The following LRRC37A2 variants were observed in gnomAD, a reference collection of about 807,000 sequenced individuals.
The protein encoded by LRRC37A2 is leucine-rich repeat-containing protein 37A2.
Under a neutral mutation model 68.8 loss-of-function variants are expected in LRRC37A2, and 9 were observed. That is an observed-to-expected ratio of 0.13 (90% CI 0.08 to 0.23). The LOEUF (loss-of-function observed/expected upper bound fraction) is 0.23. Among genes scored for constraint, LRRC37A2 ranks in the 10% least tolerant of loss-of-function variants. The pLI is 1.00. For missense variants in LRRC37A2, 168 were observed against 950.4 expected (o/e 0.18, Z 10.82); for synonymous variants, 63 against 367.6 (o/e 0.17, Z 9.48).
chr17:46,839,522 T>TTATA, the LRRC37A2 span, among the ~76,000 whole-genome samples: 4 of 151,486 alleles, frequency 2.6e-5, no homozygotes, highest in African/African-American at 7.3e-5. Flanking sequence ...TGTAAATTCT[T>TTATA]TATATATATA....
At chr17:46,814,320 A>G in the LRRC37A2 span, among the ~76,000 whole-genome samples, 1 of 152,216 alleles carries the variant, frequency 6.6e-6, no homozygotes, top group African/African-American at 2.4e-5. Flanking sequence ...GGCTCTTGGT[A>G]TTATTATAAC....
At chr17:46,472,940 A>G in the LRRC37A2 span, among the ~76,000 whole-genome samples, 1 of 69,312 alleles carries the variant, frequency 1.4e-5, no homozygotes, top group African/African-American at 4.5e-5. Context: ...ATATATATAT[A>G]TATTGTATAG....
chr17:46,895,349 C>T, the LRRC37A2 span, among the ~76,000 whole-genome samples: 1 of 152,256 alleles, frequency 6.6e-6, no homozygotes, highest in Non-Finnish European at 1.5e-5. Flanking sequence ...CTTAACCATG[C>T]AGGCTCAGGA....
the LRRC37A2 span, among the ~76,000 whole-genome samples, chr17:46,488,642 T>C: frequency 7.9e-6 from 1 of 125,890 alleles, no homozygotes; most frequent in Non-Finnish European, 1.7e-5. Context: ...GAGGCAGAGG[T>C]TGCAGTGAGC....
chr17:47,019,551 C>G, the LRRC37A2 span: 32 of 1,490,870 alleles, frequency 2.1e-5, 4 homozygotes, highest in African/African-American at 3.5e-4. Flanking sequence ...GCATCGAAAA[C>G]TGACTGAAGT....
the LRRC37A2 span, among the ~76,000 whole-genome samples, chr17:47,025,556 A>G: frequency 6.6e-6 from 1 of 152,134 alleles, no homozygotes; most frequent in Non-Finnish European, 1.5e-5. Flanking sequence ...GAAGCACATC[A>G]GAAATGCCCC....
chr17:46,907,786 T>A, the LRRC37A2 span, among the ~76,000 whole-genome samples: 2 of 147,560 alleles, frequency 1.4e-5, no homozygotes, highest in Non-Finnish European at 3.0e-5. Flanking sequence ...AGCCCAGGAG[T>A]TTGAGGTTGC....
the LRRC37A2 span, chr17:46,978,626 G>A: frequency 1.3e-6 from 2 of 1,571,966 alleles, no homozygotes; most frequent in Non-Finnish European, 1.7e-6. Context: ...GCGCTGGCGA[G>A]GGCGGACCCA....
At chr17:47,015,712 C>T in the LRRC37A2 span, among the ~76,000 whole-genome samples, 1 of 152,134 alleles carries the variant, frequency 6.6e-6, no homozygotes, top group African/African-American at 2.4e-5. Context: ...CTTGGGGCTA[C>T]AGTGTTTTAT....
At chr17:46,785,839 A>G in the LRRC37A2 span, among the ~76,000 whole-genome samples, 1 of 152,000 alleles carries the variant, frequency 6.6e-6, no homozygotes, top group Non-Finnish European at 1.5e-5. Context: ...CTTTGGGGAG[A>G]AAAGGGAAGG....
At chr17:47,011,569 TG>T in the LRRC37A2 span, among the ~76,000 whole-genome samples, 127 of 147,756 alleles carry the variant, frequency 8.6e-4, no homozygotes, top group African/African-American at 2.6e-3. Flanking sequence ...AAAAAAAAGT[TG>T]TTTTTTTTTT....
the LRRC37A2 span, chr17:47,018,818 C>T: frequency 3.1e-5 from 47 of 1,521,026 alleles, no homozygotes; most frequent in East Asian, 2.0e-4. Flanking sequence ...TGACTCAAGC[C>T]GCAGTTCAAC....
the LRRC37A2 span, among the ~76,000 whole-genome samples, chr17:46,726,109 G>A: frequency 6.6e-6 from 1 of 152,142 alleles, no homozygotes; most frequent in Admixed American, 6.5e-5. Context: ...TCTGATTTGA[G>A]TTGACAGAAT....
chr17:46,494,370 C>G, the LRRC37A2 span, among the ~76,000 whole-genome samples: 37 of 148,398 alleles, frequency 2.5e-4, 2 homozygotes, highest in African/African-American at 9.3e-4. Context: ...TAACCCAGAC[C>G]TTGCCAGACT....
chr17:46,755,721 G>GT, the LRRC37A2 span: 5 of 1,030,714 alleles, frequency 4.9e-6, no homozygotes, highest in African/African-American at 3.7e-5. Flanking sequence ...AGCTTTTAGT[G>GT]ATTTTTTTTT....
chr17:46,816,942 C>T, the LRRC37A2 span, among the ~76,000 whole-genome samples: 5 of 152,236 alleles, frequency 3.3e-5, no homozygotes, highest in African/African-American at 4.8e-5. Context: ...GCCGAACCTC[C>T]TTCCTGAAGT....
the LRRC37A2 span, among the ~76,000 whole-genome samples, chr17:46,752,883 C>G: frequency 6.6e-5 from 10 of 152,284 alleles, no homozygotes; most frequent in East Asian, 1.7e-3. Flanking sequence ...TCTCCTGCCT[C>G]GGCCTCCTGA....
At chr17:46,776,866 C>T in the LRRC37A2 span, among the ~76,000 whole-genome samples, 1 of 152,172 alleles carries the variant, frequency 6.6e-6, no homozygotes, top group African/African-American at 2.4e-5. Context: ...GAGACCCTTC[C>T]TCTGCCCTCC....
chr17:47,007,963 A>T, the LRRC37A2 span: 1 of 152,234 alleles, frequency 6.6e-6, no homozygotes, highest in African/African-American at 2.4e-5. Flanking sequence ...GCCCTCAGAC[A>T]AACAGTGATG....
Sources: allele counts gnomAD v4.1 joint callset (sites outside exome capture counted in the v4.1 genomes callset), GRCh38; gene constraint gnomAD v4.1.1; transcripts MANE v1.5; gene names NCBI Gene and HGNC (gene_info 2026-07-23, HGNC 2026-07-21).